Variants in MYPN observed in about 807,000 individuals in gnomAD.
The protein encoded by MYPN is myopalladin.
MYPN carries 63 observed loss-of-function variants against 129.4 expected under a neutral mutation model. The observed-to-expected ratio is 0.49, with a 90% CI of 0.40 to 0.60. The LOEUF is 0.60. MYPN is among the 20% of genes least tolerant of loss of function. MYPN has a pLI of 0.00. For missense variants in MYPN, 1,596 were observed against 1,635.4 expected (o/e 0.98, Z 0.42); for synonymous variants, 629 against 600.9 (o/e 1.05, Z -0.68).
intron 1 of MYPN, among the ~76,000 whole-genome samples, chr10:68,118,167 A>G (rs1031374439): frequency 2.6e-5 from 4 of 152,176 alleles, no homozygotes; most frequent in African/African-American, 9.6e-5. Flanking sequence ...AAACTTATCT[A>G]AGAATTTTAT....
intron 1 of MYPN, among the ~76,000 whole-genome samples, chr10:68,089,296 T>G (rs1299543150): frequency 6.6e-6 from 1 of 152,096 alleles, no homozygotes; most frequent in Non-Finnish European, 1.5e-5. Flanking sequence ...CCTCCCAAAG[T>G]GCTGGCATTA....
At chr10:68,168,010 G>A (rs966424035) in intron 10 of MYPN, among the ~76,000 whole-genome samples, 1 of 152,128 alleles carries the variant, frequency 6.6e-6, no homozygotes, top group Non-Finnish European at 1.5e-5. Context: ...TGGAGCTTGC[G>A]CGGCTGGTTC....
chr10:68,206,572 C>G (rs952857284), intron 18 of MYPN, among the ~76,000 whole-genome samples, 198 bp from the exon 19 acceptor site: 1 of 152,128 alleles, frequency 6.6e-6, no homozygotes, highest in African/African-American at 2.4e-5. Flanking sequence ...GGGAGGGCAA[C>G]AGCAGGTCTC....
At chr10:68,181,684 G>T (rs1016972752) in intron 12 of MYPN, among the ~76,000 whole-genome samples, 1 of 152,108 alleles carries the variant, frequency 6.6e-6, no homozygotes, top group African/African-American at 2.4e-5. Flanking sequence ...ACAGATGCAT[G>T]ATGGGAACCA....
intron 6 of MYPN, among the ~76,000 whole-genome samples, chr10:68,150,648 A>G (rs1480221219): frequency 1.3e-5 from 2 of 152,180 alleles, no homozygotes; most frequent in African/African-American, 2.4e-5. Context: ...TTCATTTACA[A>G]ATGAAAAACC....
intron 2 of MYPN, among the ~76,000 whole-genome samples, chr10:68,127,066 C>T (rs2042336647): frequency 1.3e-5 from 2 of 152,178 alleles, no homozygotes; most frequent in African/African-American, 2.4e-5. Context: ...CTCACTGCAA[C>T]CTCCACCTCC....
At chr10:68,191,493 C>A (rs915368835) in intron 13 of MYPN, among the ~76,000 whole-genome samples, 1 of 152,196 alleles carries the variant, frequency 6.6e-6, no homozygotes, top group Non-Finnish European at 1.5e-5. Flanking sequence ...GCTGGGAATA[C>A]AGGCGTGAGC....
chr10:68,102,122 C>CTTTTT (rs35930233), upstream of MYPN, among the ~76,000 whole-genome samples: 5 of 108,414 alleles, frequency 4.6e-5, no homozygotes, highest in African/African-American at 1.2e-4. Flanking sequence ...TTTCTCTCTC[C>CTTTTT]TTTTTTTTTT....
At chr10:68,163,017 T>G (rs1414486645) in intron 8 of MYPN, among the ~76,000 whole-genome samples, 2 of 152,080 alleles carry the variant, frequency 1.3e-5, no homozygotes. Context: ...AACAAAAGCC[T>G]TATGAGGCTG....
chr10:68,141,095 G>A (rs980724912), intron 2 of MYPN, among the ~76,000 whole-genome samples: 1 of 152,154 alleles, frequency 6.6e-6, no homozygotes, highest in African/African-American at 2.4e-5. Flanking sequence ...AAAGGGCCAG[G>A]CGCAGTGGCT....
At chr10:68,169,793 G>A (rs2043117177) in intron 10 of MYPN, among the ~76,000 whole-genome samples, 1 of 151,618 alleles carries the variant, frequency 6.6e-6, no homozygotes, top group African/African-American at 2.4e-5. Flanking sequence ...AGGCTGGAGT[G>A]CACTGGCGTG....
At position 68,165,702 on chromosome 10, in the gene MYPN, A is replaced by G. The variant is rs1471067662; in HGVS notation, c.1484A>G (p.Glu495Gly). The change falls in exon 9 of 20, where the codon GAG becomes GGG. Residue 495 changes from glutamate (E) to glycine (G), a missense_variant and splice_region_variant. Physicochemically the swap from Glu to Gly is moderately conservative, Grantham distance 98. Transcript: ENST00000358913. ...ACCATTCTGTTTCACTGGCATATAG[A>G]GGAGATTTGCACCTTGGTCATTGCT... The part of the protein sequence containing the change: ...QKKPRSMAEP[E>G]EICTLVIAEV... 1 of 1,612,132 alleles carries G rather than the reference A, an allele frequency of 6.2e-7. No homozygotes were observed. The highest frequency in any genetic ancestry group is 1.3e-5 in the African/African-American group (1 of 74,880).
intron 16 of MYPN, among the ~76,000 whole-genome samples, chr10:68,198,081 C>CTT (rs1462351904): frequency 6.6e-6 from 1 of 152,154 alleles, no homozygotes; most frequent in Non-Finnish European, 1.5e-5. Context: ...GTAACTGAAA[C>CTT]TTTAGACAAA....
intron 12 of MYPN, among the ~76,000 whole-genome samples, chr10:68,180,694 G>A (rs10997985): frequency 0.052 from 7,955 of 152,298 alleles, 243 homozygotes; most frequent in Middle Eastern, 0.065. Context: ...AGGACCCAGA[G>A]TAGAGAAAGC....
At chr10:68,140,433 G>A (rs2042558682) in intron 2 of MYPN, among the ~76,000 whole-genome samples, 1 of 151,876 alleles carries the variant, frequency 6.6e-6, no homozygotes, top group African/African-American at 2.4e-5. Flanking sequence ...GGAAACTGGT[G>A]AGGCAAGACA....
At chr10:68,199,068 G>T (rs2134297677) in intron 16 of MYPN, among the ~76,000 whole-genome samples, 1 of 151,772 alleles carries the variant, frequency 6.6e-6, no homozygotes, top group African/African-American at 2.4e-5. Flanking sequence ...CTCTGAAATT[G>T]ATGCTGCAGG....
In MYPN at chr10:68,174,261, G is replaced by C. The variant is rs149357638; in HGVS notation, c.2169G>C (p.Pro723=). The C allele has an allele frequency of 6.2e-7, 1 of 1,614,080 alleles. No homozygotes were observed. The highest frequency in any genetic ancestry group is 2.2e-5 in the East Asian group (1 of 44,878). The change falls in exon 11 of 20, where the codon CCG becomes CCC. Residue 723 remains proline, a synonymous_variant. Coordinates refer to ENST00000358913, the MANE Select transcript of MYPN (RefSeq NM_032578.4). Reference sequence around the variant, plus strand: ...CACAGACGTTCAGCTTGGCCCGGCCGAAGTATTTCTTCCCCTCCACGAACA... The same window carrying C: ...CACAGACGTTCAGCTTGGCCCGGCCCAAGTATTTCTTCCCCTCCACGAACA... ...PSSQTFSLAR[P]KYFFPSTNTT...
Position 68,142,925 on chromosome 10 carries a change from TC to T in MYPN, c.903-13del, listed in dbSNP as rs1447427109. 5.0e-6 allele frequency: 8 copies of T among 1,613,470 alleles called. No individual in the cohort carries two copies. The highest frequency in any genetic ancestry group is 6.8e-6 in the Non-Finnish European group (8 of 1,179,502). On this transcript the variant is annotated splice_polypyrimidine_tract_variant and intron_variant, in intron 2 of 19. Coordinates refer to ENST00000358913, the MANE Select transcript of MYPN (RefSeq NM_032578.4). ...ATTTGAGTCATGTCCAATGACCATA[TC>T]CTTTTCCCTGCAGGTGGTACTGTGA...
At chr10:68,185,807 G>T (rs1589600131) in intron 12 of MYPN, among the ~76,000 whole-genome samples, 1 of 151,816 alleles carries the variant, frequency 6.6e-6, no homozygotes, top group East Asian at 1.9e-4. Context: ...TATCAATTTA[G>T]AATCATGAAT....
Sources: gnomAD v4.1 joint callset for allele counts (sites outside exome capture counted in the v4.1 genomes callset) on GRCh38, gnomAD v4.1.1 for gene constraint, MANE v1.5 for transcripts, NCBI Gene and HGNC (gene_info 2026-07-23, HGNC 2026-07-21) for gene names.